CORO2B: variants seen among roughly 807,000 people sequenced by gnomAD.
CORO2B encodes the protein coronin-2B.
In CORO2B, 26 loss-of-function variants were observed where a neutral mutation model predicts 58.8. The ratio of observed to expected loss-of-function variants is 0.44; its 90% CI spans 0.32 to 0.61. The LOEUF is 0.61. Ranked by LOEUF, CORO2B falls within the 20% of genes least tolerant of loss-of-function variation. CORO2B has a pLI of 0.04. For synonymous variants in CORO2B, 242 were observed against 253.8 expected, an observed-to-expected ratio of 0.95 and a Z score of 0.44; for missense variants, 460 against 645.1, an observed-to-expected ratio of 0.71 and a Z score of 3.11.
intron 2 of CORO2B, among the ~76,000 whole-genome samples, chr15:68,663,520 A>C (rs992420744): frequency 1.3e-5 from 2 of 152,222 alleles, no homozygotes; most frequent in Non-Finnish European, 2.9e-5. Context: ...CTGACATTGT[A>C]GTAGGAAGTT....
chr15:68,559,555 G>A, the CORO2B span: 25 of 984,662 alleles, frequency 2.5e-5, no homozygotes, highest in Non-Finnish European at 3.0e-5. The surrounding 1 kb of genome is among the most constrained non-coding windows in gnomAD (Gnocchi z 4.3). Context: ...GTGCCAAGCC[G>A]GCCCGCTGGA....
At chr15:68,530,215 C>T in the CORO2B span, among the ~76,000 whole-genome samples, 25 of 152,204 alleles carry the variant, frequency 1.6e-4, no homozygotes, top group East Asian at 1.9e-3. Context: ...GTCCCAGCTA[C>T]GCGGGAGGCT....
intron 2 of CORO2B, among the ~76,000 whole-genome samples, chr15:68,668,688 T>C (rs1902278417): frequency 6.6e-6 from 1 of 152,178 alleles, no homozygotes; most frequent in Non-Finnish European, 1.5e-5. Flanking sequence ...TTGGATTTTC[T>C]TCTAGGTGAT....
rs182612413 is a variant in CORO2B at position 68,656,303 on chromosome 15, C to A, written c.216+10943C>A. On this transcript the variant is annotated intron_variant, in intron 2 of 11. Coordinates refer to ENST00000261861, the MANE Select transcript of CORO2B (RefSeq NM_006091.5). Reference sequence around the variant, plus strand: ...TCAAGAGACAGATCTGTGACATCAGCATCACATAGCACTTCTTGTCTCCCC... The same window carrying A: ...TCAAGAGACAGATCTGTGACATCAGAATCACATAGCACTTCTTGTCTCCCC... Among the ~76,000 whole-genome samples the A allele has an allele frequency of 2.0e-5, 3 of 152,018 alleles. No homozygotes were observed. In the East Asian group the frequency reaches 5.8e-4, roughly 29 times the overall value.
At chr15:68,609,137 T>A (rs1030821425) in intron 1 of CORO2B, among the ~76,000 whole-genome samples, 3 of 151,852 alleles carry the variant, frequency 2.0e-5, no homozygotes, top group African/African-American at 7.3e-5. Flanking sequence ...CCAGGGATGG[T>A]TGGGATTTGG....
intron 2 of CORO2B, among the ~76,000 whole-genome samples, chr15:68,667,871 G>A (rs764891887): frequency 6.6e-6 from 1 of 152,166 alleles, no homozygotes; most frequent in Non-Finnish European, 1.5e-5. Context: ...CATGGGCTTC[G>A]GGACCTGTAG....
At chr15:68,709,424 T>C (rs926959301) in intron 3 of CORO2B, among the ~76,000 whole-genome samples, 1 of 151,022 alleles carries the variant, frequency 6.6e-6, no homozygotes, top group African/African-American at 2.4e-5. Context: ...CTAGCAAGGG[T>C]GGAGTTCAGA....
At chr15:68,556,952 A>G in the CORO2B span, among the ~76,000 whole-genome samples, 3 of 152,084 alleles carry the variant, frequency 2.0e-5, no homozygotes, top group African/African-American at 7.2e-5. Flanking sequence ...TCCTGTCATA[A>G]TCAGTTCCCT....
intron 2 of CORO2B, among the ~76,000 whole-genome samples, chr15:68,684,304 T>G (rs528427411): frequency 6.6e-6 from 1 of 152,318 alleles, no homozygotes; most frequent in East Asian, 1.9e-4. Context: ...AGAAATGGAC[T>G]AACCCAATGT....
chr15:68,614,570 A>G (rs1357999275), intron 1 of CORO2B, among the ~76,000 whole-genome samples: 2 of 152,200 alleles, frequency 1.3e-5, no homozygotes, highest in Non-Finnish European at 2.9e-5. Flanking sequence ...GGACTAAGAC[A>G]AGGAGAGCTC....
At chr15:68,700,585 G>C (rs145279860) in intron 3 of CORO2B, among the ~76,000 whole-genome samples, 4 of 152,266 alleles carry the variant, frequency 2.6e-5, no homozygotes, top group Non-Finnish European at 5.9e-5. Flanking sequence ...CCTTCCCCAG[G>C]GGCTTTGGGC....
At chr15:68,622,667 C>A (rs115806862) in intron 1 of CORO2B, among the ~76,000 whole-genome samples, 2,463 of 152,300 alleles carry the variant, frequency 0.016, 71 homozygotes, top group African/African-American at 0.057. Context: ...TTCACCCCCA[C>A]ACCCCATTCA....
rs1255919969 is a variant in CORO2B, at chr15:68,579,286, C to T, written c.15+9C>T. On this transcript the variant is annotated intron_variant, in intron 1 of 11. Transcript: ENST00000261861. ...GCATGACTGTCACAAAGGTAAGCGC[C>T]GCTCGCCCGCCGCGCCCGGGACCCG... 29 of 1,286,616 alleles carry T rather than the reference C, an allele frequency of 2.3e-5. No individual in the cohort carries two copies. The highest frequency in any genetic ancestry group is 2.7e-5 in the Non-Finnish European group (27 of 1,012,680). 79.7% of individuals were successfully genotyped at this position (1,286,616 alleles called of 1,614,324 possible).
At chr15:68,605,711 G>GTTTTTTT (rs35340917) in intron 1 of CORO2B, among the ~76,000 whole-genome samples, 4 of 99,142 alleles carry the variant, frequency 4.0e-5, no homozygotes, top group African/African-American at 4.7e-5. Flanking sequence ...GGGCTCTTGG[G>GTTTTTTT]TTTTTTTTTT....
At chr15:68,558,737 G>A in the CORO2B span, among the ~76,000 whole-genome samples, 1 of 152,080 alleles carries the variant, frequency 6.6e-6, no homozygotes, top group African/African-American at 2.4e-5. Flanking sequence ...TGGACACGGG[G>A]TCACCCACCT....
intron 1 of CORO2B, among the ~76,000 whole-genome samples, chr15:68,637,363 C>T (rs925352708): frequency 2.0e-5 from 3 of 152,216 alleles, no homozygotes; most frequent in African/African-American, 2.4e-5. Context: ...TGTGTTCCTC[C>T]TGTGTGTCCA....
At chr15:68,666,823 T>C (rs916356964) in intron 2 of CORO2B, among the ~76,000 whole-genome samples, 2 of 152,114 alleles carry the variant, frequency 1.3e-5, no homozygotes, top group Admixed American at 1.3e-4. Flanking sequence ...CCAAAAATGA[T>C]AAAAATACAC....
intron 1 of CORO2B, among the ~76,000 whole-genome samples, chr15:68,602,769 C>T (rs559567996): frequency 4.5e-4 from 69 of 152,332 alleles, no homozygotes; most frequent in Middle Eastern, 3.4e-3. Context: ...ATGTGCAACA[C>T]CCACTTTCTT....
Position 68,659,614 on chromosome 15 carries a change from C to T in CORO2B, c.216+14254C>T, listed in dbSNP as rs149267278. ...AGGAAGAGAAAATATATTTACTATTCATTAAGTGGAAGTGAATCATTATAA... is the reference window on the plus strand; with the variant it reads ...AGGAAGAGAAAATATATTTACTATTTATTAAGTGGAAGTGAATCATTATAA... On this transcript the variant is annotated intron_variant, in intron 2 of 11. Transcript: ENST00000261861. 7.2e-5 allele frequency among the ~76,000 whole-genome samples: 11 copies of T among 152,048 alleles called. No individual in the cohort carries two copies. The East Asian group carries it at 2.1e-3, about 29-fold the overall frequency.
Sources: allele counts gnomAD v4.1 joint callset (sites outside exome capture counted in the v4.1 genomes callset), GRCh38; gene constraint gnomAD v4.1.1; non-coding constraint Gnocchi (gnomAD v3.1); transcripts MANE v1.5; gene names NCBI Gene and HGNC (gene_info 2026-07-23, HGNC 2026-07-21).